SYT2: variants seen among roughly 807,000 people sequenced by gnomAD.
SYT2 encodes the protein synaptotagmin 2.
A neutral mutation model predicts 39.9 loss-of-function variants in SYT2; 15 were observed. That is an observed-to-expected ratio of 0.38 (90% CI 0.25 to 0.58). The LOEUF (loss-of-function observed/expected upper bound fraction) is 0.58. SYT2 is among the 20% of genes least tolerant of loss of function. SYT2 has a pLI of 0.70. For synonymous variants in SYT2, 181 were observed against 204.5 expected, an observed-to-expected ratio of 0.89 and a Z score of 0.98; for missense variants, 389 against 530.3, an observed-to-expected ratio of 0.73 and a Z score of 2.62.
In SYT2 at chr1:202,605,614, A is replaced by T. The variant is rs750645971; in HGVS notation, c.159T>A (p.Asn53Lys). 3 of 1,613,608 alleles carry T rather than the reference A, an allele frequency of 1.9e-6. No homozygotes were observed. The highest frequency in any genetic ancestry group is 2.5e-6 in the Non-Finnish European group (3 of 1,179,710). ...ACTCACAGGGAATCTTGTTTATCTC[A>T]TTGAATAACTTCTCCTTCAGTTTGG... ...MFAKLKEKLF[N>K]EINKIPLPPW... The change falls in exon 2 of 9, where the codon AAT (asparagine) becomes AAA (lysine). Residue 53 changes from asparagine to lysine, a missense_variant. Coordinates refer to ENST00000367268, the MANE Select transcript of SYT2 (RefSeq NM_177402.5).
intron 1 of SYT2, among the ~76,000 whole-genome samples, chr1:202,647,944 T>C (rs906912751): frequency 6.6e-6 from 1 of 152,196 alleles, no homozygotes; most frequent in African/African-American, 2.4e-5. Context: ...TTAGCATGGA[T>C]ACCACGATGG....
chr1:202,675,505 C>T (rs971713520), intron 1 of SYT2, among the ~76,000 whole-genome samples: 13 of 152,188 alleles, frequency 8.5e-5, no homozygotes, highest in Admixed American at 2.6e-4. Context: ...CAAAGTCTTT[C>T]CCAAGGGGCT....
intron 1 of SYT2, among the ~76,000 whole-genome samples, chr1:202,651,861 C>T (rs987373462): frequency 1.3e-5 from 2 of 152,174 alleles, no homozygotes; most frequent in African/African-American, 4.8e-5. Context: ...GAGATCGAGA[C>T]CATCCTGCAA....
At chr1:202,643,008 A>G (rs1691963830) in intron 1 of SYT2, among the ~76,000 whole-genome samples, 1 of 152,206 alleles carries the variant, frequency 6.6e-6, no homozygotes, top group African/African-American at 2.4e-5. Context: ...GGTTCCCGAA[A>G]TAATTCAGGA....
chr1:202,698,749 GT>G (rs1654037358), intron 1 of SYT2, among the ~76,000 whole-genome samples: 1 of 152,218 alleles, frequency 6.6e-6, no homozygotes, highest in South Asian at 2.1e-4. Context: ...CAAGAAGAAT[GT>G]GGCTAGACAC....
intron 1 of SYT2, among the ~76,000 whole-genome samples, chr1:202,672,017 A>G (rs1416980453): frequency 5.3e-5 from 8 of 152,224 alleles, no homozygotes; most frequent in African/African-American, 1.9e-4. Flanking sequence ...GTCAGGAACA[A>G]CAGATAACAG....
chr1:202,638,058 T>C (rs1460947404), intron 1 of SYT2, among the ~76,000 whole-genome samples: 1 of 152,264 alleles, frequency 6.6e-6, no homozygotes, highest in Non-Finnish European at 1.5e-5. Flanking sequence ...GAGCCCTTCC[T>C]GCTGCAGTAC....
chr1:202,668,007 G>A (rs538563594), intron 1 of SYT2, among the ~76,000 whole-genome samples: 9 of 152,284 alleles, frequency 5.9e-5, no homozygotes, highest in African/African-American at 1.7e-4. Flanking sequence ...CATCGCGCCC[G>A]GCCCAGATAT....
In SYT2 at chr1:202,596,157, CCTT is replaced by C. The variant is rs1690276854; in HGVS notation, c.*597_*599del. 1 of 151,948 alleles carries C rather than the reference CCTT, an allele frequency of 6.6e-6. No homozygotes were observed. The highest frequency in any genetic ancestry group is 1.5e-5 in the Non-Finnish European group (1 of 68,030). 9.4% of individuals were successfully genotyped at this position (151,948 alleles called of 1,614,324 possible). On this transcript the variant is annotated 3_prime_UTR_variant, in exon 9 of 9. Coordinates refer to ENST00000367268, the MANE Select transcript of SYT2 (RefSeq NM_177402.5). ...TCTTCATGTCAGGGTCCCCAAAGAG[CCTT>C]CTTTTCCCACACAACTTTACTGTCC...
At chr1:202,615,061 A>G (rs1690996620) in intron 1 of SYT2, among the ~76,000 whole-genome samples, 1 of 152,196 alleles carries the variant, frequency 6.6e-6, no homozygotes, top group Non-Finnish European at 1.5e-5. Flanking sequence ...GAAAGAGTTG[A>G]AAACAGCCAA....
Position 202,616,377 on chromosome 1 carries a change from C to T in SYT2, c.-17-10588G>A, listed in dbSNP as rs1691033504. ...CCTTTCTTGTGCCTAACATTTCCCC[C>T]TTCCCTCAGCTGAGGCTGGACCAGT... On this transcript the variant is annotated intron_variant, in intron 1 of 8. Coordinates refer to ENST00000367268, the MANE Select transcript of SYT2 (RefSeq NM_177402.5). Among the ~76,000 whole-genome samples, 3 of 152,282 alleles carry T rather than the reference C, an allele frequency of 2.0e-5. No homozygotes were observed. The South Asian group carries it at 6.2e-4, about 32-fold the overall frequency.
At chr1:202,650,607 T>C (rs1026181505) in intron 1 of SYT2, among the ~76,000 whole-genome samples, 2 of 152,146 alleles carry the variant, frequency 1.3e-5, no homozygotes, top group Non-Finnish European at 2.9e-5. Flanking sequence ...GGCTATGATA[T>C]GTTTTTATTG....
intron 1 of SYT2, among the ~76,000 whole-genome samples, chr1:202,653,124 C>T (rs1160496905): frequency 2.0e-5 from 3 of 152,062 alleles, no homozygotes; most frequent in Admixed American, 1.3e-4. Context: ...TAGAAAATCT[C>T]GATTGTCACT....
intron 1 of SYT2, among the ~76,000 whole-genome samples, chr1:202,607,891 T>A (rs74136796): frequency 8.4e-4 from 125 of 148,300 alleles, no homozygotes; most frequent in East Asian, 1.4e-3. Flanking sequence ...CTTTTTTTTT[T>A]AAAAAACAGC....
intron 1 of SYT2, among the ~76,000 whole-genome samples, chr1:202,677,759 T>C (rs1261159010): frequency 6.6e-6 from 1 of 152,252 alleles, no homozygotes; most frequent in Non-Finnish European, 1.5e-5. Context: ...AACCCGACAC[T>C]ATATGATTTA....
Position 202,599,276 on chromosome 1 carries a change from G to A in SYT2, c.995C>T (p.Thr332Ile). 1.2e-6 allele frequency: 2 copies of A among 1,611,170 alleles called. No homozygotes were observed. The highest frequency in any genetic ancestry group is 8.5e-7 in the Non-Finnish European group (1 of 1,179,076). ...GGACTCGTTGAAGTATGGGTTCAGGGTCTTCTTCTTCACGGTTGTCTTCTT... is the reference window on the plus strand; with the variant it reads ...GGACTCGTTGAAGTATGGGTTCAGGATCTTCTTCTTCACGGTTGTCTTCTT... Reference protein sequence around the residue: ...KKKKTTVKKKTLNPYFNESFS... With the variant: ...KKKKTTVKKKILNPYFNESFS... The change falls in exon 8 of 9, where the codon ACC (threonine) becomes ATC (isoleucine). Residue 332 changes from threonine to isoleucine, a missense_variant. Physicochemically the swap from Thr to Ile is moderately conservative, Grantham distance 89. Around this residue, in one of 4 missense-constraint regions of SYT2, gnomAD observed 84 missense variants for 123.1 expected, o/e 0.68. Coordinates refer to ENST00000367268, the MANE Select transcript of SYT2 (RefSeq NM_177402.5). This position sits in a 1 kb window ranked among gnomAD's most constrained non-coding sequence, Gnocchi z 4.4.
chr1:202,607,271 G>A (rs513231), intron 1 of SYT2, among the ~76,000 whole-genome samples: 132,609 of 152,164 alleles, frequency 0.87, 60,550 homozygotes, highest in East Asian at 1. Flanking sequence ...TTGTTGACTG[G>A]GCTCCTCTGA....
chr1:202,615,934 C>T (rs976727347), intron 1 of SYT2, among the ~76,000 whole-genome samples: 28 of 152,202 alleles, frequency 1.8e-4, no homozygotes, highest in African/African-American at 5.3e-4. Flanking sequence ...CCTGGCAAAG[C>T]GCCAGCCCTG....
In SYT2 at chr1:202,600,464, A is replaced by G. The variant is rs1210606441; in HGVS notation, c.812T>C (p.Leu271Pro). ...QGGEKEEPEK[L>P]GDICTSLRYV... ...GCGCAGGGAGGTGCAGATGTCGCCC[A>G]GCTTCTCCGGCTGTCCAGGGGAAGA... is the stretch of plus-strand genomic sequence containing the variant. Residue 271 changes from leucine to proline, a missense_variant, in exon 7 of 9, where the codon CTG (leucine) becomes CCG (proline). Around this residue, in one of 4 missense-constraint regions of SYT2, gnomAD observed 280 missense variants for 335.6 expected, o/e 0.83. Transcript: ENST00000367268. The G allele has an allele frequency of 6.2e-7, 1 of 1,614,158 alleles. No homozygotes were observed. Among genetic ancestry groups the G allele is most frequent in the African/African-American group, 1.3e-5 (1 of 75,046 alleles).
Sources: gnomAD v4.1 joint callset for allele counts (sites outside exome capture counted in the v4.1 genomes callset) on GRCh38, gnomAD v4.1.1 for gene constraint, gnomAD v4.1.1 regional missense constraint, Gnocchi (gnomAD v3.1) non-coding constraint, MANE v1.5 for transcripts, NCBI Gene and HGNC (gene_info 2026-07-23, HGNC 2026-07-21) for gene names.